The following ZNF391 variants were observed in gnomAD, a reference collection of about 807,000 sequenced individuals.
The protein encoded by ZNF391 is zinc finger protein 391.
For synonymous variants in ZNF391, 126 were observed against 142.1 expected, an observed-to-expected ratio of 0.89 and a Z score of 0.80; for missense variants, 375 against 425.5, an observed-to-expected ratio of 0.88 and a Z score of 1.04.
intron 1 of ZNF391, among the ~76,000 whole-genome samples, chr6:27,380,552 T>C (rs9468081): frequency 6.6e-6 from 1 of 152,166 alleles, no homozygotes; most frequent in Non-Finnish European, 1.5e-5. Context: ...ACTTCTACAG[T>C]GTGGAAGGGG....
chr6:27,388,343 C>A (rs531448438), upstream of ZNF391, among the ~76,000 whole-genome samples: 42 of 152,034 alleles, frequency 2.8e-4, no homozygotes, highest in Non-Finnish European at 5.0e-4. Flanking sequence ...ATTTAAGCAA[C>A]TAGATTGTGC....
At position 27,401,244 on chromosome 6, in the gene ZNF391, C is replaced by G; in HGVS notation, c.874C>G (p.Leu292Val). The G allele has an allele frequency of 6.2e-7, 1 of 1,614,196 alleles. No individual in the cohort carries two copies. Among genetic ancestry groups the G allele is most frequent in the Non-Finnish European group, 8.5e-7 (1 of 1,180,034 alleles). Residue 292 changes from leucine to valine, a missense_variant, in exon 3 of 3, where the codon CTT becomes GTT. Coordinates refer to ENST00000244576, the MANE Select transcript of ZNF391 (RefSeq NM_001076781.3). ...GAAAGTGTTCAGTCGAAGCTCGTCT[C>G]TTACAGAACATCAGAGAATCCACAG... ...CGKVFSRSSS[L>V]TEHQRIHSGE...
At chr6:27,381,719 C>T (rs1398147730) in intron 1 of ZNF391, among the ~76,000 whole-genome samples, 1 of 152,154 alleles carries the variant, frequency 6.6e-6, no homozygotes, top group Non-Finnish European at 1.5e-5. Flanking sequence ...GCCTGAGTGA[C>T]AGAGCAAAAC....
chr6:27,391,225 A>T (rs1761706369), intron 1 of ZNF391: 2 of 24,890 alleles, frequency 8.0e-5, no homozygotes, highest in Admixed American at 4.6e-4. Context: ...TTTTTTTGAG[A>T]CAGAGTTTCG....
At position 27,403,893 on chromosome 6, in the gene ZNF391, T is replaced by C. The variant is rs1762034587; in HGVS notation, c.*2446T>C. 6.6e-6 allele frequency: 1 copy of C among 152,242 alleles called. No homozygotes were observed. The highest frequency in any genetic ancestry group is 6.5e-5 in the Admixed American group (1 of 15,282). 9.4% of individuals were successfully genotyped at this position (152,242 alleles called of 1,614,324 possible). A position where few individuals can be genotyped will look rare whatever the true frequency, so the allele number is the denominator to read the frequency against. ...AATGCTCAATAAATTCTAATTGTTA[T>C]GATTCTAGTGATTCACATCTGCCTA... is the stretch of plus-strand genomic sequence containing the variant. On this transcript the variant is annotated 3_prime_UTR_variant, in exon 3 of 3. Transcript: ENST00000244576.
intron 2 of ZNF391, among the ~76,000 whole-genome samples, chr6:27,400,053 C>T (rs1393309498): frequency 6.6e-6 from 1 of 152,104 alleles, no homozygotes; most frequent in Non-Finnish European, 1.5e-5. Context: ...TTTGGGTTAG[C>T]ATATTACCCA....
chr6:27,399,004 G>A (rs909964339), intron 1 of ZNF391, among the ~76,000 whole-genome samples: 5 of 152,188 alleles, frequency 3.3e-5, no homozygotes, highest in African/African-American at 1.2e-4. Flanking sequence ...TTTTATACCC[G>A]CCTGCTGTGA....
intron 1 of ZNF391, among the ~76,000 whole-genome samples, chr6:27,381,154 C>A (rs1220112205): frequency 6.6e-6 from 1 of 152,236 alleles, no homozygotes; most frequent in Non-Finnish European, 1.5e-5. Flanking sequence ...CGCACAGGAG[C>A]CCACGGAGGG....
rs1762017423 is a variant in ZNF391 at position 27,403,269 on chromosome 6, G to C, written c.*1822G>C. 6.6e-6 allele frequency: 1 copy of C among 152,082 alleles called. No individual in the cohort carries two copies. Among genetic ancestry groups the C allele is most frequent in the African/African-American group, 2.4e-5 (1 of 41,400 alleles). 9.4% of individuals were successfully genotyped at this position (152,082 alleles called of 1,614,324 possible). Reference sequence around the variant, plus strand: ...CTCTTCTCAAAGATAATACATGCGGGCAGGCCTGTTTTGTCCCTACTATAC... The same window carrying C: ...CTCTTCTCAAAGATAATACATGCGGCCAGGCCTGTTTTGTCCCTACTATAC... On this transcript the variant is annotated 3_prime_UTR_variant, in exon 3 of 3. Transcript: ENST00000244576.
intron 1 of ZNF391, among the ~76,000 whole-genome samples, chr6:27,382,054 C>T (rs1471208408): frequency 1.5e-5 from 1 of 66,540 alleles, no homozygotes; most frequent in Non-Finnish European, 3.3e-5. Flanking sequence ...AAAAAAAGGC[C>T]GGCTGCGTTG....
At chr6:27,378,417 C>T (rs1034307616) in intron 1 of ZNF391, among the ~76,000 whole-genome samples, 1 of 151,174 alleles carries the variant, frequency 6.6e-6, no homozygotes, top group African/African-American at 2.4e-5. Flanking sequence ...AGGAAAATTA[C>T]AGTCAAAGGG....
Position 27,376,984 on chromosome 6 carries a change from G to A in ZNF391, n.523+1847G>A, listed in dbSNP as rs571740907. 2.0e-5 allele frequency among the ~76,000 whole-genome samples: 3 copies of A among 152,140 alleles called. No homozygotes were observed. The highest frequency in any genetic ancestry group is 4.4e-5 in the Non-Finnish European group (3 of 68,034). On this transcript the variant is annotated intron_variant and non_coding_transcript_variant, in intron 1 of 2. Coordinates refer to the ZNF391 transcript ENST00000477999. This position sits in a 1 kb window ranked among gnomAD's most constrained non-coding sequence, Gnocchi z 4.7. ...ACCCATTGTTATGAATATTAAATGA[G>A]TTAATAATGTAATGGTTGTGAGAAC...
In ZNF391 at chr6:27,401,754, T is replaced by C. The variant is rs994950076; in HGVS notation, c.*307T>C. 1 of 215,106 alleles carries C rather than the reference T, an allele frequency of 4.6e-6. No individual in the cohort carries two copies. Among genetic ancestry groups the C allele is most frequent in the South Asian group, 1.0e-4 (1 of 9,572 alleles). 13.3% of individuals were successfully genotyped at this position (215,106 alleles called of 1,614,324 possible). ...ACATAACATATGAAATCTAATATTC[T>C]GAAGGGCTCCAACTTTAGAGTATAA... is the stretch of plus-strand genomic sequence containing the variant. On this transcript the variant is annotated 3_prime_UTR_variant, in exon 3 of 3. Transcript: ENST00000244576.
In ZNF391 at chr6:27,400,827, A is replaced by T; in HGVS notation, c.457A>T (p.Ile153Phe). Residue 153 changes from isoleucine (I) to phenylalanine (F), a missense_variant, in exon 3 of 3, where the codon ATT becomes TTT. Coordinates refer to ENST00000244576, the MANE Select transcript of ZNF391 (RefSeq NM_001076781.3). ...GKSFSRSTHLIEHQRTHTGEK... is the reference protein window; with the variant it reads ...GKSFSRSTHLFEHQRTHTGEK... Reference sequence around the variant, plus strand: ...ATCTTTCAGCCGAAGTACACACCTTATTGAACATCAAAGAACTCACACTGG... The same window carrying T: ...ATCTTTCAGCCGAAGTACACACCTTTTTGAACATCAAAGAACTCACACTGG... 2 of 1,614,226 alleles carry T rather than the reference A, an allele frequency of 1.2e-6. No individual in the cohort carries two copies. Among genetic ancestry groups the T allele is most frequent in the Non-Finnish European group, 1.7e-6 (2 of 1,180,030 alleles).
chr6:27,392,797 A>G (rs1761743427), intron 1 of ZNF391, among the ~76,000 whole-genome samples: 1 of 152,248 alleles, frequency 6.6e-6, no homozygotes, highest in South Asian at 2.1e-4. Context: ...TGTATAGTAT[A>G]ATGAGTTTGA....
At chr6:27,396,687 G>A (rs1033663753) in intron 1 of ZNF391, among the ~76,000 whole-genome samples, 14 of 152,010 alleles carry the variant, frequency 9.2e-5, no homozygotes, top group Admixed American at 3.3e-4. Flanking sequence ...TAATTGTACC[G>A]CTGCACTCCA....
At chr6:27,394,913 A>G (rs1420290193) in intron 1 of ZNF391, 3 of 152,208 alleles carry the variant, frequency 2.0e-5, no homozygotes, top group African/African-American at 4.8e-5. Context: ...AATGGAGCCT[A>G]TAGCCCCTTT....
intron 2 of ZNF391, 94 bp from the exon 3 acceptor site, chr6:27,400,199 A>G (rs12194842): frequency 1.8e-6 from 1 of 548,042 alleles, no homozygotes; most frequent in East Asian, 2.9e-5. Flanking sequence ...GCTAGTATGC[A>G]TGAATTCAAA....
chr6:27,394,304 A>G (rs1030776744), intron 1 of ZNF391, among the ~76,000 whole-genome samples: 1 of 152,138 alleles, frequency 6.6e-6, no homozygotes, highest in African/African-American at 2.4e-5. Context: ...GCCCTGCACC[A>G]CTCCAGGAGG....
Sources: allele counts gnomAD v4.1 joint callset (sites outside exome capture counted in the v4.1 genomes callset), GRCh38; gene constraint gnomAD v4.1.1; non-coding constraint Gnocchi (gnomAD v3.1); transcripts MANE v1.5; gene names NCBI Gene and HGNC (gene_info 2026-07-23, HGNC 2026-07-21).